Variants in CDC42BPG observed in about 807,000 individuals in gnomAD.
CDC42BPG encodes the protein CDC42 binding protein kinase gamma, also known as serine/threonine-protein kinase MRCK gamma.
A neutral mutation model predicts 192.2 loss-of-function variants in CDC42BPG; 157 were observed. That is an observed-to-expected ratio of 0.82 (90% CI 0.72 to 0.93). The LOEUF (loss-of-function observed/expected upper bound fraction) is 0.93, where lower values mean the gene tolerates loss of function less well. CDC42BPG is among the 40% of genes least tolerant of loss of function. CDC42BPG has a pLI of 0.00. For synonymous variants in CDC42BPG, 981 were observed against 918.5 expected, an observed-to-expected ratio of 1.07 and a Z score of -1.23; for missense variants, 1,992 against 2,122.1, an observed-to-expected ratio of 0.94 and a Z score of 1.20.
At chr11:64,838,513 A>C in intron 8 of CDC42BPG, 141 bp downstream of exon 8, 1 of 1,178,542 alleles carries the variant, frequency 8.5e-7, no homozygotes, top group Non-Finnish European at 1.2e-6. Flanking sequence ...GGAACGGGTC[A>C]GTCTGGGAGT....
rs1359541735 is a variant in CDC42BPG, at chr11:64,835,765, G to A, written c.1755C>T (p.Ala585=). 2 of 1,613,506 alleles carry A rather than the reference G, an allele frequency of 1.2e-6. No homozygotes were observed. The highest frequency in any genetic ancestry group is 1.7e-6 in the Non-Finnish European group (2 of 1,179,932). ...WEQRLEESSQ[A]KTIHTASETN... ...CCAAGGGGGAGGACTTGACTACCTT[G>A]GCCTGGGACGACTCCTCAAGGCGTT... The change falls in exon 14 of 37, where the codon GCC becomes GCT. Residue 585 remains alanine, a synonymous_variant. Transcript: ENST00000342711.
rs1010178541 is a variant in CDC42BPG, at chr11:64,829,780, G to A, written c.3658C>T (p.Arg1220Cys). The change falls in exon 30 of 37, where the codon CGT (arginine) becomes TGT (cysteine). Residue 1220 changes from arginine (R) to cysteine (C), a missense_variant. Transcript: ENST00000342711. ...ACAGTGGCAGGTGCCTGCAGCTCACGGATGCGGCGCTGCCAGGGCCCAGGG... is the reference window on the plus strand; with the variant it reads ...ACAGTGGCAGGTGCCTGCAGCTCACAGATGCGGCGCTGCCAGGGCCCAGGG... Reference protein sequence around the residue: ...PGPGPWQRRIRELQAPATVQS... With the variant: ...PGPGPWQRRICELQAPATVQS... 9 of 1,598,522 alleles carry A rather than the reference G, an allele frequency of 5.6e-6. No individual in the cohort carries two copies. Among genetic ancestry groups the A allele is most frequent in the South Asian group, 2.2e-5 (2 of 89,940 alleles).
At chr11:64,841,599 C>T in intron 3 of CDC42BPG, 51 bp downstream of exon 3, 2 of 1,525,952 alleles carry the variant, frequency 1.3e-6, no homozygotes, top group South Asian at 1.1e-5. Context: ...CATACACCTC[C>T]CCCACACCCA....
intron 28 of CDC42BPG, among the ~76,000 whole-genome samples, chr11:64,830,638 CA>C (rs1366861030): frequency 2.0e-5 from 3 of 152,222 alleles, no homozygotes; most frequent in Non-Finnish European, 4.4e-5. Context: ...CCGACTGCTC[CA>C]GGGACCCGCA....
At chr11:64,827,016 C>T in intron 34 of CDC42BPG, 34 bp downstream of exon 34, 1 of 1,458,372 alleles carries the variant, frequency 6.9e-7, no homozygotes. Flanking sequence ...TCAGCCTCAC[C>T]AAAGTGGCTT....
chr11:64,844,173 G>A (rs185943037), intron 1 of CDC42BPG, among the ~76,000 whole-genome samples: 1 of 152,198 alleles, frequency 6.6e-6, no homozygotes, highest in Admixed American at 6.5e-5. Context: ...TGGTATGTGT[G>A]TGCATGTGTC....
chr11:64,837,683 A>C (rs921992177), intron 9 of CDC42BPG, among the ~76,000 whole-genome samples: 2 of 152,054 alleles, frequency 1.3e-5, no homozygotes, highest in African/African-American at 2.4e-5. Flanking sequence ...GCTGGTCTCG[A>C]ACTCCTGACC....
chr11:64,838,009 T>C (rs543488685), intron 9 of CDC42BPG, 74 bp downstream of exon 9: 1 of 1,299,746 alleles, frequency 7.7e-7, no homozygotes, highest in African/African-American at 1.5e-5. Flanking sequence ...AGGGCCCCAG[T>C]GGGCTACGCG....
chr11:64,835,443 G>C, intron 15 of CDC42BPG, 24 bp from the exon 16 acceptor site: 7 of 1,612,742 alleles, frequency 4.3e-6, no homozygotes, highest in Non-Finnish European at 5.9e-6. Context: ...GGCCAAGGCC[G>C]TGACTCACCG....
chr11:64,824,337 C>T lies in CDC42BPG; in HGVS notation c.*136G>A. The T allele has an allele frequency of 1.3e-6, 1 of 763,816 alleles. No individual in the cohort carries two copies. Among genetic ancestry groups the T allele is most frequent in the Non-Finnish European group, 2.4e-6 (1 of 416,016 alleles). 47.3% of individuals were successfully genotyped at this position (763,816 alleles called of 1,614,324 possible). A position where few individuals can be genotyped will look rare whatever the true frequency, so the allele number is the denominator to read the frequency against. ...GTCCTGGGAACCCAGGCAAGTCTCC[C>T]AGTCATTGCCCAGCCCGGGTCCTCC... On this transcript the variant is annotated 3_prime_UTR_variant, in exon 37 of 37. Transcript: ENST00000342711.
intron 28 of CDC42BPG, 130 bp downstream of exon 28, chr11:64,831,375 C>G (rs189331842): frequency 3.6e-6 from 3 of 821,976 alleles, no homozygotes; most frequent in Non-Finnish European, 5.7e-6. Flanking sequence ...GGAGCACATA[C>G]GTGGTGCAAG....
At chr11:64,834,822 G>T in intron 18 of CDC42BPG, 27 bp downstream of exon 18, 5 of 1,598,310 alleles carry the variant, frequency 3.1e-6, no homozygotes, top group Non-Finnish European at 4.3e-6. Context: ...GCCCAAGCCA[G>T]CCCCCAGGGG....
At position 64,830,028 on chromosome 11, in the gene CDC42BPG, G is replaced by T; in HGVS notation, c.3410C>A (p.Thr1137Asn). Residue 1137 changes from threonine to asparagine, a missense_variant, in exon 30 of 37, where the codon ACC (threonine) becomes AAC (asparagine). Physicochemically the swap from Thr to Asn is moderately conservative, Grantham distance 65 (BLOSUM62 0). Coordinates refer to ENST00000342711, the MANE Select transcript of CDC42BPG (RefSeq NM_017525.3). Reference protein sequence around the residue: ...VGECRRVQQLTLSPSAGLLVV... With the variant: ...VGECRRVQQLNLSPSAGLLVV... ...CAGCAGGCCTGCACTGGGGCTCAAG[G>T]TCAGCTGCTGCACGCGCCGGCACTC... is the stretch of plus-strand genomic sequence containing the variant. The T allele has an allele frequency of 6.2e-7, 1 of 1,612,488 alleles. No individual in the cohort carries two copies. The highest frequency in any genetic ancestry group is 1.3e-5 in the African/African-American group (1 of 75,034).
chr11:64,829,328 TG>T, intron 30 of CDC42BPG, 142 bp downstream of exon 30: 2 of 1,017,076 alleles, frequency 2.0e-6, no homozygotes, highest in Non-Finnish European at 1.4e-6. Flanking sequence ...CCACAGAGGG[TG>T]GGACAGGGTG....
rs1943289515 is a variant in CDC42BPG at position 64,841,692 on chromosome 11, G to A, written c.294C>T (p.Ala98=). 1.2e-6 allele frequency: 2 copies of A among 1,613,680 alleles called. No individual in the cohort carries two copies. Among genetic ancestry groups the A allele is most frequent in the African/African-American group, 1.3e-5 (1 of 74,934 alleles). ...VRQRDTGQIF[A]MKMLHKWEML... The stretch of plus-strand genomic sequence containing the variant: ...TCTCCCACTTGTGCAGCATTTTCAT[G>A]GCAAAAATCTGCCCAGTGTCCCTCT... The change falls in exon 3 of 37, where the codon GCC becomes GCT. Residue 98 remains alanine (A), a synonymous_variant. Coordinates refer to ENST00000342711, the MANE Select transcript of CDC42BPG (RefSeq NM_017525.3).
Position 64,835,860 on chromosome 11 carries a change from G to C in CDC42BPG, c.1669-9C>G. The C allele has an allele frequency of 6.2e-7, 1 of 1,606,554 alleles. No homozygotes were observed. Among genetic ancestry groups the C allele is most frequent in the Non-Finnish European group, 8.5e-7 (1 of 1,177,644 alleles). On this transcript the variant is annotated splice_polypyrimidine_tract_variant and intron_variant, in intron 13 of 36. Coordinates refer to ENST00000342711, the MANE Select transcript of CDC42BPG (RefSeq NM_017525.3). ...GACACCTGGGCCTCCAGCTGTGAGG[G>C]GTGCAGAGGCAGGCCACTGCCAACT...
intron 9 of CDC42BPG, 90 bp downstream of exon 9, chr11:64,837,993 C>A: frequency 8.7e-7 from 1 of 1,148,168 alleles, no homozygotes; most frequent in Non-Finnish European, 1.3e-6. Context: ...TTCTGCCCTC[C>A]TTCCCAGGGC....
In CDC42BPG at chr11:64,830,194, C is replaced by T. The variant is rs201927673; in HGVS notation, c.3367G>A (p.Asp1123Asn). The change falls in exon 29 of 37, where the codon GAC becomes AAC. Residue 1123 changes from aspartate (D) to asparagine (N), a missense_variant and splice_region_variant. By Grantham distance (23) the Asp-to-Asn change is conservative. Transcript: ENST00000342711. Reference protein sequence around the residue: ...GLFVIHLRSNDIFQVGECRRV... With the variant: ...GLFVIHLRSNNIFQVGECRRV... ...ACCCTAGCCCAGCTTTGATAGGTAC[C>T]GTTGCTGCGCAGATGGATGACAAAG... 3.2e-5 allele frequency: 51 copies of T among 1,613,652 alleles called. No individual in the cohort carries two copies. The Admixed American group carries it at 4.3e-4, about 14-fold the overall frequency.
intron 9 of CDC42BPG, among the ~76,000 whole-genome samples, chr11:64,837,507 C>T (rs947327207): frequency 6.6e-6 from 1 of 152,238 alleles, no homozygotes; most frequent in Non-Finnish European, 1.5e-5. Flanking sequence ...GTCACCCAGG[C>T]TGGAGTGCAG....
Sources: gnomAD v4.1 joint callset for allele counts (sites outside exome capture counted in the v4.1 genomes callset) on GRCh38, gnomAD v4.1.1 for gene constraint, MANE v1.5 for transcripts, NCBI Gene and HGNC (gene_info 2026-07-23, HGNC 2026-07-21) for gene names.